The following TAFA2 variants were observed in gnomAD, a reference collection of about 807,000 sequenced individuals.
TAFA2 encodes TAFA chemokine like family member 2.
Under a neutral mutation model 18.8 loss-of-function variants are expected in TAFA2, and 7 were observed. That is an observed-to-expected ratio of 0.37 (90% CI 0.21 to 0.70). The LOEUF (loss-of-function observed/expected upper bound fraction) is 0.70. Ranked by LOEUF, TAFA2 falls within the 30% of genes least tolerant of loss-of-function variation. The pLI is 0.53. For missense variants in TAFA2, 122 were observed against 158.1 expected, an observed-to-expected ratio of 0.77 and a Z score of 1.23; for synonymous variants, 60 against 54.2, an observed-to-expected ratio of 1.11 and a Z score of -0.47.
At chr12:62,255,513 A>T (rs2062934007) in intron 1 of TAFA2, among the ~76,000 whole-genome samples, 1 of 152,310 alleles carries the variant, frequency 6.6e-6, no homozygotes, top group Admixed American at 6.5e-5. Context: ...TTTTTTTATT[A>T]TAATTATAGA....
intron 1 of TAFA2, among the ~76,000 whole-genome samples, chr12:62,101,437 T>C (rs939455678): frequency 6.6e-6 from 1 of 152,206 alleles, no homozygotes; most frequent in South Asian, 2.1e-4. Flanking sequence ...TACCTGGAGA[T>C]GCACACTCAT....
rs552308068 is a variant in TAFA2, at chr12:61,874,773, G to A, written c.-1-7347C>T. 7.2e-5 allele frequency among the ~76,000 whole-genome samples: 11 copies of A among 152,180 alleles called. No individual in the cohort carries two copies. In the Middle Eastern group the frequency reaches 0.01, roughly 141 times the overall value. On this transcript the variant is annotated intron_variant, in intron 1 of 4. Coordinates refer to ENST00000416284, the MANE Select transcript of TAFA2 (RefSeq NM_178539.5). ...AGGCAAAAATAAAGCAATCATTTAC[G>A]ATTTTTCAGAGCCCTAGAAAGACAC...
At chr12:62,043,517 G>T (rs1314732238) in intron 1 of TAFA2, among the ~76,000 whole-genome samples, 1 of 152,112 alleles carries the variant, frequency 6.6e-6, no homozygotes, top group Non-Finnish European at 1.5e-5. Context: ...AATGTTAAAT[G>T]GCGAGTTAAT....
chr12:62,204,827 C>A (rs2062685039), intron 1 of TAFA2, among the ~76,000 whole-genome samples: 2 of 152,168 alleles, frequency 1.3e-5, no homozygotes, highest in Non-Finnish European at 2.9e-5. Flanking sequence ...CTACTTCTGT[C>A]AATTCATTCA....
intron 2 of TAFA2, 115 bp from the exon 3 acceptor site, chr12:61,755,139 G>T: frequency 1.2e-6 from 1 of 860,398 alleles, no homozygotes; most frequent in Non-Finnish European, 1.7e-6. Flanking sequence ...CACCAGGCAT[G>T]AAACGAGAAA....
At chr12:61,882,227 G>C (rs1457873850) in intron 1 of TAFA2, among the ~76,000 whole-genome samples, 1 of 152,086 alleles carries the variant, frequency 6.6e-6, no homozygotes, top group African/African-American at 2.4e-5. Context: ...CTTTAGCAGT[G>C]GCACATAAAG....
chr12:62,146,771 C>T (rs2062284519), intron 1 of TAFA2, among the ~76,000 whole-genome samples: 1 of 152,160 alleles, frequency 6.6e-6, no homozygotes, highest in Admixed American at 6.6e-5. Context: ...ATGACCCTGA[C>T]AGTTCTCTGG....
intron 1 of TAFA2, among the ~76,000 whole-genome samples, chr12:61,943,376 T>G (rs1878120738): frequency 6.6e-6 from 1 of 151,188 alleles, no homozygotes; most frequent in Non-Finnish European, 1.5e-5. Flanking sequence ...TCATCGAGAC[T>G]AGGAAGAAAC....
chr12:62,153,679 A>T (rs1288775856), intron 1 of TAFA2, among the ~76,000 whole-genome samples: 1 of 151,990 alleles, frequency 6.6e-6, no homozygotes, highest in African/African-American at 2.4e-5. Context: ...AAAAAAAAAA[A>T]GGCAACATCA....
chr12:61,977,322 T>C (rs902785640), intron 1 of TAFA2, among the ~76,000 whole-genome samples: 1 of 152,054 alleles, frequency 6.6e-6, no homozygotes, highest in Non-Finnish European at 1.5e-5. Context: ...AAATTGCTAG[T>C]ATTAAATAAG....
chr12:61,800,609 A>C (rs1013771244), intron 2 of TAFA2, among the ~76,000 whole-genome samples: 9 of 152,162 alleles, frequency 5.9e-5, no homozygotes, highest in Admixed American at 3.9e-4. Context: ...GGTCATTAGC[A>C]ATAATAGAGC....
chr12:61,983,220 T>A lies in TAFA2; in HGVS notation c.-1-115794A>T, dbSNP rs150877593. On this transcript the variant is annotated intron_variant, in intron 1 of 4. Transcript: ENST00000416284. ...ATCCTACATCTCCATAAATCCACTC[T>A]CTCATTTTATACCCATAGGATTCAA... Among the ~76,000 whole-genome samples, 66 of 152,278 alleles carry A rather than the reference T, an allele frequency of 4.3e-4. No homozygotes were observed. The East Asian group carries it at 0.012, about 27-fold the overall frequency.
chr12:62,100,616 C>T (rs901012976), intron 1 of TAFA2, among the ~76,000 whole-genome samples: 4 of 152,156 alleles, frequency 2.6e-5, no homozygotes, highest in Non-Finnish European at 5.9e-5. Flanking sequence ...TCCAGTCATC[C>T]TAAAAGAACA....
chr12:61,783,803 T>C (rs1393411528), intron 2 of TAFA2, among the ~76,000 whole-genome samples: 4 of 151,640 alleles, frequency 2.6e-5, no homozygotes, highest in South Asian at 4.1e-4. Flanking sequence ...CCTATATTGA[T>C]ATTTCTTGAG....
intron 1 of TAFA2, among the ~76,000 whole-genome samples, chr12:62,007,766 C>T (rs1880605121): frequency 7.9e-6 from 1 of 126,418 alleles, no homozygotes; most frequent in African/African-American, 2.9e-5. Flanking sequence ...TACATGTATA[C>T]ACTGTATAAT....
At chr12:61,954,403 T>C (rs11174253) in intron 1 of TAFA2, among the ~76,000 whole-genome samples, 11,198 of 152,202 alleles carry the variant, frequency 0.074, 1,339 homozygotes, top group African/African-American at 0.25. Context: ...AACGCTATTA[T>C]GTAGCATTTG....
chr12:61,960,755 G>T (rs751894827), intron 1 of TAFA2, among the ~76,000 whole-genome samples: 7 of 137,436 alleles, frequency 5.1e-5, no homozygotes, highest in Non-Finnish European at 1.1e-4. Context: ...TTAAAGTTTA[G>T]CCACTTTGTC....
At chr12:62,231,979 C>T (rs1411656948) in intron 1 of TAFA2, among the ~76,000 whole-genome samples, 2 of 152,098 alleles carry the variant, frequency 1.3e-5, no homozygotes, top group African/African-American at 2.4e-5. Context: ...AGATTACAGG[C>T]CTGATCTTAG....
rs1317666361 is a variant in TAFA2, at chr12:61,747,497, A to C, written c.384+6125T>G. Among the ~76,000 whole-genome samples, 5 of 148,100 alleles carry C rather than the reference A, an allele frequency of 3.4e-5. No individual in the cohort carries two copies. The East Asian group carries it at 9.9e-4, about 29-fold the overall frequency. On this transcript the variant is annotated intron_variant, in intron 4 of 4. Transcript: ENST00000416284. ...CCAACAATGATAGACTGGATTAAGA[A>C]AATGTGGCACATATACACCATGGAA...
Sources: allele counts gnomAD v4.1 joint callset (sites outside exome capture counted in the v4.1 genomes callset), GRCh38; gene constraint gnomAD v4.1.1; transcripts MANE v1.5; gene names NCBI Gene and HGNC (gene_info 2026-07-23, HGNC 2026-07-21).